Variants in FANCB observed in about 807,000 individuals in gnomAD.
FANCB encodes FA complementation group B.
Under a neutral mutation model 38.9 loss-of-function variants are expected in FANCB, and 5 were observed. The observed-to-expected ratio is 0.13, with a 90% CI of 0.07 to 0.27. The LOEUF (loss-of-function observed/expected upper bound fraction) is 0.27. Ranked by LOEUF, FANCB falls within the 10% of genes least tolerant of loss-of-function variation. The probability of loss-of-function intolerance (pLI) is 1.00; values close to 1 mark genes in which losing one functional copy is unlikely to be tolerated. For synonymous variants in FANCB, 236 were observed against 215.4 expected (o/e 1.10, Z -0.84); for missense variants, 573 against 602.7 (o/e 0.95, Z 0.52).
the FANCB span, among the ~76,000 whole-genome samples, chrX:14,705,616 G>A: frequency 8.9e-6 from 1 of 112,272 alleles, no homozygotes; most frequent in Non-Finnish European, 1.9e-5. Flanking sequence ...CCTGTCAGGA[G>A]TAATTAATTA....
the FANCB span, among the ~76,000 whole-genome samples, chrX:14,705,011 A>G: frequency 8.9e-6 from 1 of 112,449 alleles, no homozygotes; most frequent in Non-Finnish European, 1.9e-5. Context: ...GAGATTCTCA[A>G]GAAAGAAGCA....
chrX:14,809,073 G>A, the FANCB span, among the ~76,000 whole-genome samples: 1,861 of 112,288 alleles, frequency 0.017, 15 homozygotes, highest in Middle Eastern at 0.051. Flanking sequence ...ATGTTCATGG[G>A]TTGGAAGAAT....
chrX:14,690,675 C>G, the FANCB span: 1 of 942,634 alleles, frequency 1.1e-6, no homozygotes, highest in Non-Finnish European at 1.5e-6. Flanking sequence ...CTCTCTCTCT[C>G]TCTGTGTGTG....
chrX:14,831,195 T>A (rs747587122), downstream of FANCB, among the ~76,000 whole-genome samples: 1 of 111,792 alleles, frequency 8.9e-6, no homozygotes, highest in African/African-American at 3.2e-5. Context: ...CTTGAAAAAA[T>A]TACACTAATA....
chrX:14,849,023 C>T (rs1458033069), intron 7 of FANCB, among the ~76,000 whole-genome samples: 2 of 110,923 alleles, frequency 1.8e-5, no homozygotes, highest in African/African-American at 3.3e-5. Context: ...GGCCAGATCC[C>T]GCAATAGGTA....
At chrX:14,872,011 G>T (rs1021261555) in intron 1 of FANCB, among the ~76,000 whole-genome samples, 1 of 110,988 alleles carries the variant, frequency 9.0e-6, no homozygotes, top group Non-Finnish European at 1.9e-5. Context: ...ACAGAGCCAG[G>T]ATTCAAACCC....
At chrX:14,807,599 C>G in the FANCB span, among the ~76,000 whole-genome samples, 3 of 111,606 alleles carry the variant, frequency 2.7e-5, no homozygotes, top group Non-Finnish European at 1.9e-5. Flanking sequence ...CTAGGCAGGA[C>G]TATTACTCTC....
the FANCB span, among the ~76,000 whole-genome samples, chrX:14,805,921 G>A: frequency 2.7e-5 from 3 of 111,932 alleles, no homozygotes; most frequent in Admixed American, 2.9e-4. Context: ...TATCCTTCTC[G>A]AATGCCTTGA....
At chrX:14,821,284 T>A in the FANCB span, among the ~76,000 whole-genome samples, 1 of 112,039 alleles carries the variant, frequency 8.9e-6, no homozygotes, top group African/African-American at 3.2e-5. Context: ...ATCAATTTAG[T>A]TGAAACACAC....
intron 1 of FANCB, among the ~76,000 whole-genome samples, chrX:14,871,622 A>ATG (rs57974300): frequency 1.4e-3 from 147 of 106,663 alleles, no homozygotes; most frequent in Middle Eastern, 4.9e-3. Context: ...CTATCTATAT[A>ATG]TGTGTGTGTG....
At chrX:14,826,462 C>T in the FANCB span, among the ~76,000 whole-genome samples, 17 of 112,148 alleles carry the variant, frequency 1.5e-4, no homozygotes, top group African/African-American at 3.9e-4. Context: ...GTAATGTATC[C>T]AGTTTTGTCT....
At chrX:14,852,887 A>G (rs1454209279) in intron 6 of FANCB, 152 bp downstream of exon 6, 1 of 394,446 alleles carries the variant, frequency 2.5e-6, no homozygotes, top group Non-Finnish European at 4.2e-6. Context: ...CAATGTCATA[A>G]AAGTCCACCA....
chrX:14,869,728 T>C (rs1372227427), intron 1 of FANCB, among the ~76,000 whole-genome samples: 3 of 112,005 alleles, frequency 2.7e-5, no homozygotes, highest in Admixed American at 9.4e-5. Context: ...GAAAAATAGA[T>C]GCTAAACACT....
Position 14,843,818 on chromosome X carries a change from T to C in FANCB, c.2329A>G (p.Ile777Val), listed in dbSNP as rs776505971. ...LVTLSSLSSA[I>V]AKHESNFMQR... ...ATAAAATTGCTTTCATGTTTAGCTA[T>C]GGCAGAAGAAAGAGAACTAAGGGTG... The change falls in exon 10 of 10, where the codon ATA becomes GTA. Residue 777 changes from isoleucine (I) to valine (V), a missense_variant. Transcript: ENST00000650831. The C allele has an allele frequency of 2.5e-6, 3 of 1,210,762 alleles. No individual in the cohort carries two copies. Among genetic ancestry groups the C allele is most frequent in the African/African-American group, 1.7e-5 (1 of 57,793 alleles).
chrX:14,848,988 G>C (rs1003048907), intron 7 of FANCB, among the ~76,000 whole-genome samples: 1 of 111,301 alleles, frequency 9.0e-6, no homozygotes, highest in East Asian at 2.8e-4. Flanking sequence ...AACAAAGAGA[G>C]AGCCCCGTTG....
At chrX:14,776,574 AGGCT>A in the FANCB span, among the ~76,000 whole-genome samples, 2 of 112,493 alleles carry the variant, frequency 1.8e-5, no homozygotes, top group South Asian at 7.4e-4. Flanking sequence ...GGGACTGTGA[AGGCT>A]GGCTGAGATG....
the FANCB span, among the ~76,000 whole-genome samples, chrX:14,699,140 T>C: frequency 8.9e-6 from 1 of 112,251 alleles, no homozygotes; most frequent in Non-Finnish European, 1.9e-5. Flanking sequence ...CCCAGGTCTA[T>C]GCAATAAAAC....
At chrX:14,861,789 TAATTATTTCTAC>T (rs1382149082) in intron 3 of FANCB, among the ~76,000 whole-genome samples, 1 of 112,651 alleles carries the variant, frequency 8.9e-6, no homozygotes, top group Non-Finnish European at 1.9e-5. Flanking sequence ...GTTTTTGGCA[TAATTATTTCTAC>T]TCCCACTTTA....
intron 1 of FANCB, among the ~76,000 whole-genome samples, chrX:14,871,062 C>T (rs969777781): frequency 3.6e-5 from 4 of 110,290 alleles, no homozygotes; most frequent in Non-Finnish European, 7.6e-5. Flanking sequence ...TTTATTGGGT[C>T]CTATACAGAA....
Sources: allele counts gnomAD v4.1 joint callset (sites outside exome capture counted in the v4.1 genomes callset), GRCh38; gene constraint gnomAD v4.1.1; transcripts MANE v1.5; gene names NCBI Gene and HGNC (gene_info 2026-07-23, HGNC 2026-07-21).